The following ARHGAP28 variants were observed in gnomAD, a reference collection of about 807,000 sequenced individuals.
ARHGAP28 encodes rho GTPase-activating protein 28.
A neutral mutation model predicts 90.7 loss-of-function variants in ARHGAP28; 56 were observed. The observed-to-expected ratio is 0.62, with a 90% confidence interval of 0.50 to 0.77. The LOEUF (loss-of-function observed/expected upper bound fraction) is 0.77, where lower values mean the gene tolerates loss of function less well. ARHGAP28 is among the 30% of genes least tolerant of loss of function. ARHGAP28 has a pLI of 0.00. For synonymous variants in ARHGAP28, 308 were observed against 323.3 expected (o/e 0.95, Z 0.51); for missense variants, 869 against 900.9 (o/e 0.96, Z 0.45).
chr18:6,850,815 T>G lies in ARHGAP28; in HGVS notation c.544-219T>G, dbSNP rs2056904053. The G allele has an allele frequency of 2.0e-6, 3 of 1,522,890 alleles. No homozygotes were observed. The African/African-American group carries it at 4.5e-5, about 23-fold the overall frequency. 94.3% of individuals were successfully genotyped at this position (1,522,890 alleles called of 1,614,324 possible). On this transcript the variant is annotated intron_variant, in intron 3 of 17. Coordinates refer to ENST00000383472, the MANE Select transcript of ARHGAP28 (RefSeq NM_001366230.1). ...GCAGGAAGCTAGCAGAGTTTGCTTC[T>G]GAGACGAATTCTGTTACAGTACATG...
At chr18:6,775,482 T>C (rs985890038) in intron 1 of ARHGAP28, among the ~76,000 whole-genome samples, 3 of 152,154 alleles carry the variant, frequency 2.0e-5, no homozygotes, top group African/African-American at 7.2e-5. Flanking sequence ...ATTGCTTGTT[T>C]TCATAGTGTG....
chr18:6,859,826 A>G lies in ARHGAP28; in HGVS notation c.655A>G (p.Asn219Asp). 1.2e-6 allele frequency: 2 copies of G among 1,614,138 alleles called. No homozygotes were observed. The highest frequency in any genetic ancestry group is 1.6e-4 in the Middle Eastern group (1 of 6,062). The stretch of plus-strand genomic sequence containing the variant: ...CATTTAGCCAGATGATGCTTCTCTC[A>G]ACAGTACTACCCTGTCTGACGCATC... ...SGSMPDDASL[N>D]STTLSDASQD... is the part of the protein sequence containing the mutation. Residue 219 changes from asparagine (N) to aspartate (D), a missense_variant, in exon 5 of 18, where the codon AAC becomes GAC. Physicochemically the swap from Asn to Asp is conservative, Grantham distance 23 (BLOSUM62 1). Coordinates refer to ENST00000383472, the MANE Select transcript of ARHGAP28 (RefSeq NM_001366230.1).
chr18:6,873,658 TC>T (rs745663606), intron 8 of ARHGAP28, 25 bp from the exon 9 acceptor site: 32 of 1,591,878 alleles, frequency 2.0e-5, no homozygotes, highest in Non-Finnish European at 2.5e-5. Context: ...TTTTTTTTTT[TC>T]CCCCTTTACT....
In ARHGAP28 at chr18:6,795,423, C is replaced by T. The variant is rs1157205317; in HGVS notation, c.123-29339C>T. 3.3e-5 allele frequency among the ~76,000 whole-genome samples: 5 copies of T among 152,020 alleles called. No individual in the cohort carries two copies. In the East Asian group the frequency reaches 9.7e-4, roughly 29 times the overall value. On this transcript the variant is annotated intron_variant, in intron 1 of 17. Coordinates refer to ENST00000383472, the MANE Select transcript of ARHGAP28 (RefSeq NM_001366230.1). Reference sequence around the variant, plus strand: ...AAGGGAGAGGATTTCTCTGTGTGTCCCAAGAAGGCACACAGCTGCAGCCTG... The same window carrying T: ...AAGGGAGAGGATTTCTCTGTGTGTCTCAAGAAGGCACACAGCTGCAGCCTG...
At chr18:6,881,036 G>GA (rs1310522410) in intron 10 of ARHGAP28, among the ~76,000 whole-genome samples, 1 of 152,204 alleles carries the variant, frequency 6.6e-6, no homozygotes, top group African/African-American at 2.4e-5. Context: ...AGGGCAAGAT[G>GA]GAAATCTCCT....
At chr18:6,813,498 C>T (rs1168198332) in intron 1 of ARHGAP28, among the ~76,000 whole-genome samples, 1 of 152,116 alleles carries the variant, frequency 6.6e-6, no homozygotes, top group Admixed American at 6.6e-5. Flanking sequence ...GCACATAGCT[C>T]TCTTTGATCT....
Position 6,890,283 on chromosome 18 carries a change from T to G in ARHGAP28, c.1735-147T>G. 3 of 782,144 alleles carry G rather than the reference T, an allele frequency of 3.8e-6. No homozygotes were observed. The South Asian group carries it at 5.6e-5, about 15-fold the overall frequency. The allele number at this position is 782,144 out of a possible 1,614,324, so 48.5% of individuals were successfully genotyped here. On this transcript the variant is annotated intron_variant, in intron 13 of 17. Coordinates refer to ENST00000383472, the MANE Select transcript of ARHGAP28 (RefSeq NM_001366230.1). ...CCTTTGAAACAGGGATCCACATAAT[T>G]TTTTCTAAACTTTATAAGGACAATG...
intron 2 of ARHGAP28, among the ~76,000 whole-genome samples, chr18:6,826,683 CTTT>C (rs36069648): frequency 3.4e-5 from 3 of 88,268 alleles, no homozygotes; most frequent in Non-Finnish European, 6.1e-5. Context: ...GGATTTTGAG[CTTT>C]TTTTTTTTTT....
At chr18:6,743,654 A>T (rs1265710679) in intron 1 of ARHGAP28, among the ~76,000 whole-genome samples, 1 of 152,272 alleles carries the variant, frequency 6.6e-6, no homozygotes, top group Non-Finnish European at 1.5e-5. Flanking sequence ...TCATAGCTTC[A>T]TACATAAAAC....
At chr18:6,844,883 A>G (rs2056854743) in intron 3 of ARHGAP28, among the ~76,000 whole-genome samples, 9 of 152,232 alleles carry the variant, frequency 5.9e-5, no homozygotes, top group Admixed American at 5.2e-4. Context: ...ATTCACAAAT[A>G]ATTATATGCC....
intron 17 of ARHGAP28, among the ~76,000 whole-genome samples, chr18:6,909,417 C>A (rs1449786734): frequency 6.6e-6 from 1 of 151,592 alleles, no homozygotes; most frequent in Admixed American, 6.6e-5. Context: ...CTCAGCCTCC[C>A]TAGTAGCTGG....
At chr18:6,788,970 G>A (rs1600185512) in intron 1 of ARHGAP28, 1 of 152,266 alleles carries the variant, frequency 6.6e-6, no homozygotes, top group East Asian at 1.9e-4. Context: ...TACCAACAAA[G>A]GCTTCAAAGG....
At chr18:6,743,859 A>G (rs2143201416) in intron 1 of ARHGAP28, among the ~76,000 whole-genome samples, 1 of 152,328 alleles carries the variant, frequency 6.6e-6, no homozygotes, top group African/African-American at 2.4e-5. Flanking sequence ...TGCTGGGGCT[A>G]CAAAAATGGT....
intron 1 of ARHGAP28, among the ~76,000 whole-genome samples, chr18:6,771,663 G>C (rs191820613): frequency 2.6e-5 from 4 of 152,284 alleles, no homozygotes; most frequent in Admixed American, 2.6e-4. Context: ...TTAGTGACCT[G>C]AACTGGATTC....
At chr18:6,761,260 AT>A (rs1266629409) in intron 1 of ARHGAP28, among the ~76,000 whole-genome samples, 2 of 152,248 alleles carry the variant, frequency 1.3e-5, no homozygotes, top group East Asian at 3.9e-4. Context: ...TCATAGGTGT[AT>A]TCTGTCTGTG....
intron 2 of ARHGAP28, among the ~76,000 whole-genome samples, chr18:6,826,476 GT>G (rs906722178): frequency 0.031 from 4,554 of 146,238 alleles, 209 homozygotes; most frequent in African/African-American, 0.1. Context: ...AAGCTCTTTA[GT>G]TTTTTTTTTT....
chr18:6,817,018 A>C (rs1183822887), intron 1 of ARHGAP28, among the ~76,000 whole-genome samples: 1 of 151,496 alleles, frequency 6.6e-6, no homozygotes, highest in Non-Finnish European at 1.5e-5. Context: ...TGAGTCTGGG[A>C]GATTGAGGCT....
At position 6,885,788 on chromosome 18, in the gene ARHGAP28, T is replaced by A. The variant is rs549030613; in HGVS notation, c.1454-1369T>A. 4.1e-5 allele frequency among the ~76,000 whole-genome samples: 6 copies of A among 146,212 alleles called. No homozygotes were observed. The South Asian group carries it at 8.7e-4, about 21-fold the overall frequency. ...CCTACATCTGCATCTCTTGTTTTTT[T>A]CTTCCCCAGAGTTGTTTTTTTTTTT... On this transcript the variant is annotated intron_variant, in intron 11 of 17. Coordinates refer to ENST00000383472, the MANE Select transcript of ARHGAP28 (RefSeq NM_001366230.1).
intron 1 of ARHGAP28, among the ~76,000 whole-genome samples, chr18:6,763,202 C>G (rs532798370): frequency 3.8e-4 from 58 of 152,212 alleles, no homozygotes; most frequent in African/African-American, 1.3e-3. Context: ...CCTGCCTCAG[C>G]CTCCTGAGCA....
Sources: allele counts gnomAD v4.1 joint callset (sites outside exome capture counted in the v4.1 genomes callset), GRCh38; gene constraint gnomAD v4.1.1; transcripts MANE v1.5; gene names NCBI Gene and HGNC (gene_info 2026-07-23, HGNC 2026-07-21).